The following TPD52L2 variants were observed in gnomAD, a reference collection of about 807,000 sequenced individuals.
TPD52L2 encodes tumor protein D54.
A neutral mutation model predicts 24.7 loss-of-function variants in TPD52L2; 19 were observed. The observed-to-expected ratio is 0.77, with a 90% CI of 0.54 to 1.13. The LOEUF is 1.13. TPD52L2 is among the 50% of genes most tolerant of loss of function. The probability of loss-of-function intolerance (pLI) is 0.00; values close to 1 mark genes in which losing one functional copy is unlikely to be tolerated. For missense variants in TPD52L2, 236 were observed against 250.4 expected (o/e 0.94, Z 0.39); for synonymous variants, 104 against 100.2 (o/e 1.04, Z -0.23).
intron 4 of TPD52L2, among the ~76,000 whole-genome samples, chr20:63,880,876 G>A (rs552946213): frequency 6.8e-4 from 101 of 147,580 alleles, no homozygotes; most frequent in African/African-American, 2.4e-3. Context: ...GGGCTACAGA[G>A]CAAGACTCTG....
At chr20:63,886,365 C>CTTT (rs536322547) in intron 5 of TPD52L2, among the ~76,000 whole-genome samples, 2 of 142,904 alleles carry the variant, frequency 1.4e-5, no homozygotes, top group African/African-American at 5.1e-5. Flanking sequence ...TGAAAAGGAG[C>CTTT]TTTTTTTTTT....
Position 63,865,354 on chromosome 20 carries a change from C to A in TPD52L2, c.-12C>A, listed in dbSNP as rs1190945679. The A allele has an allele frequency of 6.6e-7, 1 of 1,526,588 alleles. No homozygotes were observed. The highest frequency in any genetic ancestry group is 2.0e-5 in the Admixed American group (1 of 50,000). 94.6% of individuals were successfully genotyped at this position (1,526,588 alleles called of 1,614,324 possible). ...ATAGCGCCCGCGACAGCGGTCCGGACGCCGCCCGAACATGGACTCCGCCGG... is the reference window on the plus strand; with the variant it reads ...ATAGCGCCCGCGACAGCGGTCCGGAAGCCGCCCGAACATGGACTCCGCCGG... On this transcript the variant is annotated 5_prime_UTR_variant, in exon 1 of 7. Transcript: ENST00000346249.
chr20:63,866,718 C>G (rs2052253026), intron 1 of TPD52L2, among the ~76,000 whole-genome samples: 5 of 150,048 alleles, frequency 3.3e-5, no homozygotes, highest in Admixed American at 3.3e-4. Flanking sequence ...CTCGGCCTCC[C>G]AAAGTGCTGG....
intron 4 of TPD52L2, chr20:63,876,719 A>T: frequency 2.2e-6 from 1 of 454,872 alleles, no homozygotes; most frequent in Non-Finnish European, 4.4e-6. Context: ...CTGGGGGACC[A>T]GGCTGGCACT....
chr20:63,868,718 C>A lies in TPD52L2; in HGVS notation c.20-578C>A, dbSNP rs567316302. On this transcript the variant is annotated intron_variant, in intron 1 of 6. Coordinates refer to ENST00000346249, the MANE Select transcript of TPD52L2 (RefSeq NM_003288.4). ...CAACACTTTGGGAGGCCAAGGCGGG[C>A]GGATCACCCGAGGTCGGGAATTGGA... 4.6e-5 allele frequency among the ~76,000 whole-genome samples: 7 copies of A among 152,262 alleles called. No homozygotes were observed. In the East Asian group the frequency reaches 9.7e-4, roughly 21 times the overall value.
intron 2 of TPD52L2, among the ~76,000 whole-genome samples, chr20:63,871,780 C>T (rs963453425): frequency 5.9e-5 from 9 of 151,796 alleles, no homozygotes; most frequent in African/African-American, 2.2e-4. Flanking sequence ...GTTACAGGTG[C>T]ATGCCACCAC....
rs2052948931 is a variant in TPD52L2, at chr20:63,882,727, A to G, written c.383A>G (p.Lys128Arg). 1 of 1,613,986 alleles carries G rather than the reference A, an allele frequency of 6.2e-7. No homozygotes were observed. The highest frequency in any genetic ancestry group is 1.3e-5 in the African/African-American group (1 of 74,942). Residue 128 changes from lysine to arginine, a missense_variant, in exon 5 of 7, where the codon AAG (lysine) becomes AGG (arginine). Coordinates refer to ENST00000346249, the MANE Select transcript of TPD52L2 (RefSeq NM_003288.4). ...ACTGGTGTGTCTTCCAGCTACAAGA[A>G]GACTCAGGAAACTCTTTCACAGGCA... ...EKVTQSDLYK[K>R]TQETLSQAGQ...
At chr20:63,869,485 G>A (rs2052382681) in intron 2 of TPD52L2, 44 bp downstream of exon 2, 2 of 1,607,348 alleles carry the variant, frequency 1.2e-6, no homozygotes, top group Non-Finnish European at 1.7e-6. Context: ...TTGGAGTTAA[G>A]GCCCTCTTGG....
At chr20:63,871,758 C>G (rs768722084) in intron 2 of TPD52L2, among the ~76,000 whole-genome samples, 1 of 151,836 alleles carries the variant, frequency 6.6e-6, no homozygotes, top group Admixed American at 6.6e-5. Context: ...CTCAGCCTCC[C>G]GAGTACCTGG....
At chr20:63,889,759 T>C in intron 6 of TPD52L2, 91 bp from the exon 7 acceptor site, 2 of 1,278,944 alleles carry the variant, frequency 1.6e-6, no homozygotes, top group Non-Finnish European at 2.2e-6. Flanking sequence ...TTACATAAGC[T>C]TTTGTAGAGC....
In TPD52L2 at chr20:63,873,874, C is replaced by T. The variant is rs1411500726; in HGVS notation, c.314+58C>T. ...CTGAAGAGAACGGGCACCACACGTG[C>T]CCCGGCATGTGGGGGGGCGTCGTCA... is the stretch of plus-strand genomic sequence containing the variant. On this transcript the variant is annotated intron_variant, in intron 3 of 6. Coordinates refer to ENST00000346249, the MANE Select transcript of TPD52L2 (RefSeq NM_003288.4). The T allele has an allele frequency of 1.1e-5, 16 of 1,416,650 alleles. No homozygotes were observed. The East Asian group carries it at 3.3e-4, about 29-fold the overall frequency. 87.8% of individuals were successfully genotyped at this position (1,416,650 alleles called of 1,614,324 possible). A position where few individuals can be genotyped will look rare whatever the true frequency, so the allele number is the denominator to read the frequency against.
chr20:63,887,671 CG>C, intron 5 of TPD52L2: 7 of 1,507,834 alleles, frequency 4.6e-6, no homozygotes, highest in Non-Finnish European at 6.4e-6. Flanking sequence ...GGGCAGCTCC[CG>C]CCGGTTACAC....
intron 3 of TPD52L2, among the ~76,000 whole-genome samples, chr20:63,874,375 TTTA>T (rs1019556453): frequency 1.3e-5 from 2 of 150,680 alleles, no homozygotes; most frequent in Non-Finnish European, 3.0e-5. Flanking sequence ...TTTTTTTTTT[TTTA>T]TTATTATTCT....
chr20:63,868,687 T>C (rs2052350243), intron 1 of TPD52L2, among the ~76,000 whole-genome samples: 1 of 152,244 alleles, frequency 6.6e-6, no homozygotes, highest in African/African-American at 2.4e-5. Flanking sequence ...CTCACACCTG[T>C]AATCCCAACA....
rs575655759 is a variant in TPD52L2 at position 63,877,632 on chromosome 20, T to G, written c.374+1757T>G. Among the ~76,000 whole-genome samples, 19 of 152,362 alleles carry G rather than the reference T, an allele frequency of 1.2e-4. No homozygotes were observed. The highest frequency in any genetic ancestry group is 2.1e-4 in the Non-Finnish European group (14 of 68,032). On this transcript the variant is annotated intron_variant, in intron 4 of 6. Transcript: ENST00000346249. The surrounding 1 kb of genome is among the most constrained non-coding windows in gnomAD (Gnocchi z 4.1). Reference sequence around the variant, plus strand: ...TGAAAATAGTCTTAGGAGACTTCAGTGCTGTTTTGTAAAACCAACTGACAT... The same window carrying G: ...TGAAAATAGTCTTAGGAGACTTCAGGGCTGTTTTGTAAAACCAACTGACAT...
intron 4 of TPD52L2, among the ~76,000 whole-genome samples, chr20:63,876,482 T>C (rs1263872559): frequency 6.6e-6 from 1 of 152,234 alleles, no homozygotes; most frequent in Non-Finnish European, 1.5e-5. Context: ...TGACTCCTAA[T>C]ATTTGGAGAT....
intron 5 of TPD52L2, among the ~76,000 whole-genome samples, chr20:63,886,420 G>T (rs531882912): frequency 6.6e-6 from 1 of 151,784 alleles, no homozygotes; most frequent in Non-Finnish European, 1.5e-5. Flanking sequence ...GAGTGCCGTG[G>T]CGCGATCTCG....
intron 2 of TPD52L2, among the ~76,000 whole-genome samples, chr20:63,871,888 C>T (rs1046430097): frequency 1.3e-5 from 2 of 152,100 alleles, no homozygotes; most frequent in African/African-American, 4.8e-5. Context: ...CCCGCCTCGG[C>T]CTCCCAAAGT....
At chr20:63,878,361 C>G (rs1485702780) in intron 4 of TPD52L2, among the ~76,000 whole-genome samples, 1 of 152,200 alleles carries the variant, frequency 6.6e-6, no homozygotes, top group Non-Finnish European at 1.5e-5. Flanking sequence ...CTGTTGCATT[C>G]TATTTATAGG....
Sources: allele counts gnomAD v4.1 joint callset (sites outside exome capture counted in the v4.1 genomes callset), GRCh38; gene constraint gnomAD v4.1.1; non-coding constraint Gnocchi (gnomAD v3.1); transcripts MANE v1.5; gene names NCBI Gene and HGNC (gene_info 2026-07-23, HGNC 2026-07-21).